The following LEMD3 variants were observed in gnomAD, a reference collection of about 807,000 sequenced individuals.
The protein encoded by LEMD3 is LEM domain containing 3.
A neutral mutation model predicts 95.2 loss-of-function variants in LEMD3; 33 were observed. The observed-to-expected ratio is 0.35, with a 90% confidence interval of 0.26 to 0.46. The LOEUF (loss-of-function observed/expected upper bound fraction) is 0.46, where lower values mean the gene tolerates loss of function less well. Among genes scored for constraint, LEMD3 ranks in the 20% least tolerant of loss-of-function variants. LEMD3 has a pLI of 1.00. For missense variants in LEMD3, 1,210 were observed against 1,192.8 expected (o/e 1.01, Z -0.21); for synonymous variants, 525 against 474.6 (o/e 1.11, Z -1.38).
At chr12:65,205,631 C>G (rs1352449229) in intron 1 of LEMD3, among the ~76,000 whole-genome samples, 1 of 152,090 alleles carries the variant, frequency 6.6e-6, no homozygotes, top group Non-Finnish European at 1.5e-5. Flanking sequence ...CAAACAAGGA[C>G]AGGTGAAAAT....
intron 1 of LEMD3, chr12:65,171,468 G>T: frequency 3.3e-6 from 1 of 304,028 alleles, no homozygotes; most frequent in Non-Finnish European, 6.4e-6. Context: ...TGAAGTATTA[G>T]GATAAGGCAC....
chr12:65,215,895 GTT>G (rs67170565), intron 2 of LEMD3, 80 bp from the exon 3 acceptor site: 7,421 of 445,584 alleles, frequency 0.017, 399 homozygotes, highest in African/African-American at 0.14. Flanking sequence ...TAAATTTACT[GTT>G]TTTTTTTTTT....
intron 1 of LEMD3, among the ~76,000 whole-genome samples, chr12:65,189,990 C>T (rs981599291): frequency 3.3e-5 from 5 of 152,062 alleles, no homozygotes; most frequent in Non-Finnish European, 5.9e-5. Flanking sequence ...GGCCAGGAAA[C>T]CCTTAAAGCC....
rs188376092 is a variant in LEMD3, at chr12:65,218,585, C to T, written c.1661C>T (p.Thr554Met). ...GAATGTGGCAGTTCTAGTCAAAGAA[C>T]GCTTTCTGTTCAAGAGGCAGCTGCG... is the stretch of plus-strand genomic sequence containing the variant. ...DHECGSSSQRTLSVQEAAAYL... is the reference protein window; with the variant it reads ...DHECGSSSQRMLSVQEAAAYL... The change falls in exon 4 of 13, where the codon ACG becomes ATG. Residue 554 changes from threonine (T) to methionine (M), a missense_variant. This residue lies in a region of LEMD3 where 461 missense variants were observed against 569.8 expected (regional missense o/e 0.81). Coordinates refer to ENST00000308330, the MANE Select transcript of LEMD3 (RefSeq NM_014319.5). The T allele has an allele frequency of 6.5e-5, 104 of 1,606,560 alleles. No individual in the cohort carries two copies. The highest frequency in any genetic ancestry group is 4.4e-5 in the Non-Finnish European group (52 of 1,175,812).
At chr12:65,196,661 A>T (rs1199011548) in intron 1 of LEMD3, among the ~76,000 whole-genome samples, 1 of 152,082 alleles carries the variant, frequency 6.6e-6, no homozygotes, top group African/African-American at 2.4e-5. Flanking sequence ...CATGACTTAC[A>T]GGCCCAGTGT....
intron 4 of LEMD3, among the ~76,000 whole-genome samples, chr12:65,236,326 G>T (rs1444166933): frequency 6.6e-6 from 1 of 152,164 alleles, no homozygotes; most frequent in East Asian, 1.9e-4. Context: ...CGGATCACTT[G>T]AGGCCAGCAG....
intron 4 of LEMD3, among the ~76,000 whole-genome samples, chr12:65,236,422 C>T (rs1454216166): frequency 1.3e-5 from 2 of 152,008 alleles, no homozygotes; most frequent in African/African-American, 4.8e-5. Context: ...GTGGCACACG[C>T]CTGTAGTATC....
At chr12:65,233,266 T>C (rs1870683221) in intron 4 of LEMD3, among the ~76,000 whole-genome samples, 1 of 152,188 alleles carries the variant, frequency 6.6e-6, no homozygotes, top group Non-Finnish European at 1.5e-5. Context: ...GGATTCATAA[T>C]CCTTAGCTCC....
chr12:65,189,889 C>G (rs556737535), intron 1 of LEMD3, among the ~76,000 whole-genome samples: 1 of 152,042 alleles, frequency 6.6e-6, no homozygotes, highest in Admixed American at 6.6e-5. Context: ...AGACTTTGCC[C>G]GTAATACCTA....
chr12:65,185,117 T>C (rs1384799017), intron 1 of LEMD3, among the ~76,000 whole-genome samples: 1 of 152,110 alleles, frequency 6.6e-6, no homozygotes. Context: ...CCACCAAGTC[T>C]GGCAGTCATC....
At chr12:65,195,412 G>A (rs951871437) in intron 1 of LEMD3, among the ~76,000 whole-genome samples, 3 of 151,824 alleles carry the variant, frequency 2.0e-5, no homozygotes, top group Non-Finnish European at 4.4e-5. Flanking sequence ...AAAAAAAATA[G>A]CTAGATTCAA....
intron 1 of LEMD3, chr12:65,171,330 T>A: frequency 1.4e-6 from 1 of 735,414 alleles, no homozygotes; most frequent in Non-Finnish European, 2.1e-6. Flanking sequence ...CTGCATGATG[T>A]ATTGTGAAAT....
intron 1 of LEMD3, among the ~76,000 whole-genome samples, chr12:65,201,113 A>G (rs1206237243): frequency 6.6e-6 from 1 of 152,124 alleles, no homozygotes; most frequent in Non-Finnish European, 1.5e-5. Context: ...GACTGTATTT[A>G]TATGGGTCTA....
chr12:65,196,449 AAGGTTCACTCATTTC>A (rs549148445), intron 1 of LEMD3, among the ~76,000 whole-genome samples: 121 of 152,092 alleles, frequency 8.0e-4, no homozygotes, highest in African/African-American at 2.8e-3. Context: ...TACCTTTGGT[AAGGTTCACTCATTTC>A]TCTAAAAAAA....
At chr12:65,223,073 A>G (rs973081872) in intron 4 of LEMD3, among the ~76,000 whole-genome samples, 3 of 152,030 alleles carry the variant, frequency 2.0e-5, no homozygotes, top group Non-Finnish European at 4.4e-5. Flanking sequence ...GATTTGGAGA[A>G]TGTTCCATGT....
At chr12:65,181,627 A>G (rs1448611524) in intron 1 of LEMD3, among the ~76,000 whole-genome samples, 8 of 152,180 alleles carry the variant, frequency 5.3e-5, no homozygotes, top group African/African-American at 1.4e-4. Context: ...CACAAAAGAA[A>G]TAGTTGGCTA....
chr12:65,172,820 G>A (rs893941816), intron 1 of LEMD3, among the ~76,000 whole-genome samples: 2 of 151,742 alleles, frequency 1.3e-5, no homozygotes. Context: ...CCGCCTCCTG[G>A]GTTCAAGTGA....
intron 10 of LEMD3, among the ~76,000 whole-genome samples, chr12:65,244,840 A>G (rs1345736216): frequency 6.6e-6 from 1 of 152,066 alleles, no homozygotes; most frequent in Middle Eastern, 3.4e-3. Context: ...AGTCCCAGCT[A>G]TCTGGGAGGC....
chr12:65,194,151 A>G (rs963915019), intron 1 of LEMD3, among the ~76,000 whole-genome samples: 4 of 152,154 alleles, frequency 2.6e-5, no homozygotes, highest in Non-Finnish European at 5.9e-5. Context: ...TCAAGGTTCC[A>G]TGACCCCCTG....
Sources: allele counts gnomAD v4.1 joint callset (sites outside exome capture counted in the v4.1 genomes callset), GRCh38; gene constraint gnomAD v4.1.1; regional missense constraint gnomAD v4.1.1; transcripts MANE v1.5; gene names NCBI Gene and HGNC (gene_info 2026-07-23, HGNC 2026-07-21).